The following CEP20 variants were observed in gnomAD, a reference collection of about 807,000 sequenced individuals.
CEP20 encodes the protein centrosomal protein 20.
A neutral mutation model predicts 20.0 loss-of-function variants in CEP20; 18 were observed. That is an observed-to-expected ratio of 0.90 (90% confidence interval 0.62 to 1.34). The LOEUF is 1.34. Ranked by LOEUF, CEP20 falls within the 40% of genes most tolerant of loss-of-function variation. CEP20 has a pLI of 0.00. For missense variants in CEP20, 215 were observed against 201.6 expected, an observed-to-expected ratio of 1.07 and a Z score of -0.40; for synonymous variants, 77 against 73.7, an observed-to-expected ratio of 1.04 and a Z score of -0.23.
At chr16:15,882,729 TTATA>T (rs1388559459) in intron 2 of CEP20, among the ~76,000 whole-genome samples, 3 of 133,274 alleles carry the variant, frequency 2.3e-5, no homozygotes, top group East Asian at 2.1e-4. Context: ...TTTATCTCCA[TTATA>T]TCTATCTATC....
rs997007893 is a variant in CEP20 at position 15,871,518 on chromosome 16, T to A, written c.448+1973A>T. Among the ~76,000 whole-genome samples, 13 of 152,174 alleles carry A rather than the reference T, an allele frequency of 8.5e-5. 1 individual carries two copies. Among genetic ancestry groups the A allele is most frequent in the Non-Finnish European group, 1.6e-4 (11 of 68,028 alleles). ...GTACTTGCCAATTAGTAGGCAGTAA[T>A]GTCAGTTCCTTACCAATCCCTAAAA... On this transcript the variant is annotated intron_variant, in intron 4 of 4. Coordinates refer to ENST00000255759, the MANE Select transcript of CEP20 (RefSeq NM_144600.4).
At chr16:15,873,154 G>A (rs2044862150) in intron 4 of CEP20, among the ~76,000 whole-genome samples, 1 of 151,524 alleles carries the variant, frequency 6.6e-6, no homozygotes, top group Admixed American at 6.6e-5. Context: ...TGTCACTTAG[G>A]CTAGTCTCAA....
chr16:15,884,247 T>G, intron 1 of CEP20, 42 bp from the exon 2 acceptor site: 1 of 1,553,034 alleles, frequency 6.4e-7, no homozygotes, highest in Non-Finnish European at 8.8e-7. Flanking sequence ...ACAGAGTAAA[T>G]TTGTCATTCT....
chr16:15,872,193 A>G (rs1044325304), intron 4 of CEP20, among the ~76,000 whole-genome samples: 4 of 152,074 alleles, frequency 2.6e-5, no homozygotes, highest in African/African-American at 9.7e-5. Context: ...GGGCGCCTGT[A>G]GTCCCAGCTA....
At chr16:15,884,581 A>ACC (rs2045195735) in intron 1 of CEP20, among the ~76,000 whole-genome samples, 1 of 152,094 alleles carries the variant, frequency 6.6e-6, no homozygotes, top group Non-Finnish European at 1.5e-5. Flanking sequence ...AGCTCACTGC[A>ACC]ACCTCTGCCT....
At chr16:15,871,366 G>A (rs2044813905) in intron 4 of CEP20, among the ~76,000 whole-genome samples, 1 of 120,946 alleles carries the variant, frequency 8.3e-6, no homozygotes, top group African/African-American at 3.2e-5. Flanking sequence ...TAAAAAGGGA[G>A]AAGAATTGAG....
At chr16:15,876,465 ACT>A (rs1040612199) in intron 3 of CEP20, among the ~76,000 whole-genome samples, 4 of 148,804 alleles carry the variant, frequency 2.7e-5, no homozygotes, top group South Asian at 2.1e-4. Flanking sequence ...ACAGAGTGAG[ACT>A]CTGTCTCGAA....
rs534433775 is a variant in CEP20 at position 15,878,761 on chromosome 16, A to G, written c.311+1043T>C. On this transcript the variant is annotated intron_variant, in intron 3 of 4. Coordinates refer to ENST00000255759, the MANE Select transcript of CEP20 (RefSeq NM_144600.4). ...GTGATCCACTTGCCTCAGCCTCTGAAGTGCTGGGACTACAGGCATGAGCCA... is the reference window on the plus strand; with the variant it reads ...GTGATCCACTTGCCTCAGCCTCTGAGGTGCTGGGACTACAGGCATGAGCCA... Among the ~76,000 whole-genome samples, 3 of 152,210 alleles carry G rather than the reference A, an allele frequency of 2.0e-5. No individual in the cohort carries two copies. The East Asian group carries it at 5.8e-4, about 29-fold the overall frequency.
intron 3 of CEP20, among the ~76,000 whole-genome samples, chr16:15,877,728 G>A (rs925112467): frequency 2.6e-5 from 4 of 152,124 alleles, no homozygotes; most frequent in African/African-American, 9.7e-5. Flanking sequence ...AGTGAGCCAT[G>A]ATCAAGCCGC....
chr16:15,884,844 G>A (rs568929294), intron 1 of CEP20, among the ~76,000 whole-genome samples: 2 of 152,186 alleles, frequency 1.3e-5, no homozygotes, highest in East Asian at 1.9e-4. Flanking sequence ...CGGGGGATAG[G>A]ATTATAGTTG....
intron 2 of CEP20, chr16:15,883,181 G>A (rs1176663864): frequency 2.0e-5 from 3 of 152,176 alleles, no homozygotes; most frequent in East Asian, 1.9e-4. Context: ...GGGCAACATA[G>A]TGAGAGCTCA....
Position 15,870,522 on chromosome 16 carries a change from C to T in CEP20, c.448+2969G>A, listed in dbSNP as rs1596987738. On this transcript the variant is annotated intron_variant, in intron 4 of 4. Coordinates refer to ENST00000255759, the MANE Select transcript of CEP20 (RefSeq NM_144600.4). The stretch of plus-strand genomic sequence containing the variant: ...TAGACAAAGATACAATGTTACATCA[C>T]AATACTGTAATGTGTGGACAAAGAT... Among the ~76,000 whole-genome samples the T allele has an allele frequency of 2.0e-5, 3 of 152,180 alleles. No homozygotes were observed. In the South Asian group the frequency reaches 6.2e-4, roughly 32 times the overall value.
intron 1 of CEP20, 99 bp from the exon 2 acceptor site, chr16:15,884,304 A>G: frequency 9.3e-7 from 1 of 1,079,328 alleles, no homozygotes; most frequent in Non-Finnish European, 1.3e-6. Context: ...TGGTACAAAA[A>G]CAGCTCTCAA....
At chr16:15,884,430 A>G (rs905799917) in intron 1 of CEP20, among the ~76,000 whole-genome samples, 10 of 152,204 alleles carry the variant, frequency 6.6e-5, no homozygotes, top group African/African-American at 2.4e-4. Context: ...AATATATTTG[A>G]GCAAATTCAA....
chr16:15,872,145 T>C (rs912773756), intron 4 of CEP20, among the ~76,000 whole-genome samples: 4 of 151,978 alleles, frequency 2.6e-5, no homozygotes, highest in Admixed American at 2.6e-4. Flanking sequence ...AAACCCTGTC[T>C]CCACTAAAGA....
At chr16:15,868,505 A>G (rs567626330) in intron 4 of CEP20, among the ~76,000 whole-genome samples, 1 of 152,362 alleles carries the variant, frequency 6.6e-6, no homozygotes, top group South Asian at 2.1e-4. Flanking sequence ...TTGAGAATAT[A>G]TGAACCCCAA....
intron 3 of CEP20, 135 bp downstream of exon 3, chr16:15,879,669 C>T (rs745879690): frequency 1.7e-6 from 1 of 605,488 alleles, no homozygotes; most frequent in Non-Finnish European, 2.8e-6. Flanking sequence ...TTCACTGCTG[C>T]ACACCCTGGA....
intron 3 of CEP20, among the ~76,000 whole-genome samples, chr16:15,875,238 C>T (rs867007853): frequency 1.3e-5 from 2 of 152,292 alleles, no homozygotes; most frequent in Middle Eastern, 3.4e-3. Context: ...AAAGCGTCAC[C>T]TAGTAATATA....
chr16:15,871,364 G>A (rs991561307), intron 4 of CEP20, among the ~76,000 whole-genome samples: 5 of 152,036 alleles, frequency 3.3e-5, no homozygotes, highest in African/African-American at 1.2e-4. Flanking sequence ...TATAAAAAGG[G>A]AGAAGAATTG....
Sources: gnomAD v4.1 joint callset for allele counts (sites outside exome capture counted in the v4.1 genomes callset) on GRCh38, gnomAD v4.1.1 for gene constraint, MANE v1.5 for transcripts, NCBI Gene and HGNC (gene_info 2026-07-23, HGNC 2026-07-21) for gene names.